The following SQOR variants were observed in gnomAD, a reference collection of about 807,000 sequenced individuals.
SQOR encodes sulfide quinone oxidoreductase.
SQOR carries 39 observed loss-of-function variants against 48.6 expected under a neutral mutation model. The ratio of observed to expected loss-of-function variants is 0.80; its 90% CI spans 0.62 to 1.05. SQOR has a LOEUF of 1.05. SQOR is among the 50% of genes least tolerant of loss of function. The probability of loss-of-function intolerance (pLI) is 0.00; values close to 1 mark genes in which losing one functional copy is unlikely to be tolerated. For missense variants in SQOR, 561 were observed against 559.9 expected (o/e 1.00, Z -0.02); for synonymous variants, 220 against 206.2 (o/e 1.07, Z -0.57).
chr15:45,631,926 G>C (rs1894904546), upstream of SQOR: 1 of 152,124 alleles, frequency 6.6e-6, no homozygotes, highest in Non-Finnish European at 1.5e-5. Flanking sequence ...TTTTTCAACA[G>C]TGTATGCCTA....
chr15:45,656,662 T>TTA (rs1889617208), intron 1 of SQOR, among the ~76,000 whole-genome samples: 1 of 152,192 alleles, frequency 6.6e-6, no homozygotes, highest in Non-Finnish European at 1.5e-5. Flanking sequence ...AAATCACTCA[T>TTA]TATTCTAAAA....
At chr15:45,667,236 A>C (rs1595503405) in intron 3 of SQOR, among the ~76,000 whole-genome samples, 1 of 146,150 alleles carries the variant, frequency 6.8e-6, no homozygotes, top group East Asian at 2.1e-4. Context: ...TCTTGGGCTC[A>C]AGAGTTCTGA....
At chr15:45,670,216 C>G (rs1040401428) in intron 4 of SQOR, among the ~76,000 whole-genome samples, 2 of 152,186 alleles carry the variant, frequency 1.3e-5, no homozygotes, top group African/African-American at 4.8e-5. Flanking sequence ...ATGCTCATGC[C>G]TTAATGATTA....
chr15:45,690,453 C>T (rs1278613324), intron 9 of SQOR, among the ~76,000 whole-genome samples: 1 of 152,134 alleles, frequency 6.6e-6, no homozygotes, highest in Non-Finnish European at 1.5e-5. Context: ...ATCAGTGGTC[C>T]TGAACCAAGA....
intron 3 of SQOR, among the ~76,000 whole-genome samples, chr15:45,667,652 A>G (rs1301756649): frequency 3.3e-5 from 5 of 152,142 alleles, no homozygotes; most frequent in African/African-American, 1.2e-4. Context: ...TTAAGCTGGC[A>G]TGTTTTTAGT....
intron 5 of SQOR, 37 bp from the exon 6 acceptor site, chr15:45,676,064 C>T: frequency 6.4e-7 from 1 of 1,555,476 alleles, no homozygotes; most frequent in Non-Finnish European, 8.7e-7. Flanking sequence ...CAGCTGCAGT[C>T]ATGCTTTGGT....
chr15:45,659,261 G>GT (rs1889677923), intron 2 of SQOR, 104 bp downstream of exon 2: 3 of 948,910 alleles, frequency 3.2e-6, no homozygotes, highest in Non-Finnish European at 4.5e-6. Flanking sequence ...CAAGCAATGG[G>GT]TCTTCATATG....
At chr15:45,672,536 T>C (rs1410696638) in intron 4 of SQOR, among the ~76,000 whole-genome samples, 1 of 152,134 alleles carries the variant, frequency 6.6e-6, no homozygotes, top group Non-Finnish European at 1.5e-5. Flanking sequence ...CAGGGATAAG[T>C]GTCTGGAGTG....
intron 1 of SQOR, among the ~76,000 whole-genome samples, chr15:45,642,379 C>T (rs1436468798): frequency 7.2e-5 from 11 of 152,082 alleles, no homozygotes; most frequent in Non-Finnish European, 1.5e-4. Flanking sequence ...GTGTTAGAGG[C>T]CAAGAATCTG....
At chr15:45,666,274 C>T (rs1022304352) in intron 3 of SQOR, among the ~76,000 whole-genome samples, 1 of 152,162 alleles carries the variant, frequency 6.6e-6, no homozygotes, top group African/African-American at 2.4e-5. Context: ...TGTGCTATCA[C>T]AGCATTCTGT....
At position 45,669,965 on chromosome 15, in the gene SQOR, A is replaced by T. The variant is rs1268026781; in HGVS notation, c.443A>T (p.Gln148Leu). The T allele has an allele frequency of 1.9e-6, 3 of 1,614,016 alleles. No homozygotes were observed. Among genetic ancestry groups the T allele is most frequent in the African/African-American group, 2.7e-5 (2 of 74,920 alleles). The change falls in exon 4 of 10, where the codon CAG (glutamine) becomes CTG (leucine). Residue 148 changes from glutamine to leucine, a missense_variant. Transcript: ENST00000260324. ...YRYLIIALGI[Q>L]LDYEKIKGLP... ...TATCTTATTATTGCTCTCGGAATCC[A>T]GCTGGACTATGAGAAGGTACCGTGT...
At chr15:45,663,932 A>G (rs199896640) in intron 3 of SQOR, among the ~76,000 whole-genome samples, 1 of 152,208 alleles carries the variant, frequency 6.6e-6, no homozygotes, top group African/African-American at 2.4e-5. Flanking sequence ...GTGAACAAAA[A>G]CAGACACAAA....
intron 1 of SQOR, among the ~76,000 whole-genome samples, chr15:45,647,974 A>T (rs1280451931): frequency 1.3e-5 from 2 of 152,200 alleles, no homozygotes; most frequent in African/African-American, 4.8e-5. Flanking sequence ...TTCCTGAATT[A>T]TTAGATAGTT....
chr15:45,635,079 G>A lies in SQOR; in HGVS notation c.-47G>A. ...GAGCGAAGGTTTTTGCTGCGCCAAC[G>A]CAGTGACCGAAGGCTCCGCTCACGC... On this transcript the variant is annotated 5_prime_UTR_variant, in exon 1 of 10. Transcript: ENST00000260324. The A allele has an allele frequency of 6.6e-6, 1 of 152,386 alleles. No homozygotes were observed. Among genetic ancestry groups the A allele is most frequent in the Non-Finnish European group, 1.5e-5 (1 of 68,070 alleles). The allele number at this position is 152,386 out of a possible 1,614,324, so 9.4% of individuals were successfully genotyped here. A position where few individuals can be genotyped will look rare whatever the true frequency, so the allele number is the denominator to read the frequency against.
At chr15:45,685,637 G>T (rs573715769) in intron 7 of SQOR, among the ~76,000 whole-genome samples, 9 of 152,254 alleles carry the variant, frequency 5.9e-5, no homozygotes, top group Admixed American at 5.9e-4. Flanking sequence ...TGGCTCCACA[G>T]GCCTCACCTC....
At chr15:45,655,835 C>G (rs1889595698) in intron 1 of SQOR, among the ~76,000 whole-genome samples, 1 of 152,122 alleles carries the variant, frequency 6.6e-6, no homozygotes, top group Non-Finnish European at 1.5e-5. Context: ...AGGTGTACAC[C>G]ACCATGCCCA....
intron 1 of SQOR, among the ~76,000 whole-genome samples, chr15:45,642,237 A>G (rs1895116984): frequency 6.6e-6 from 1 of 152,306 alleles, no homozygotes; most frequent in Admixed American, 6.5e-5. Flanking sequence ...AATGCACACC[A>G]GGGCTGAGCA....
chr15:45,669,788 G>A (rs547787348), intron 3 of SQOR, 140 bp from the exon 4 acceptor site: 13 of 719,254 alleles, frequency 1.8e-5, no homozygotes, highest in African/African-American at 3.6e-5. Context: ...GTTCTGCTTC[G>A]ATTTTCTCAT....
intron 8 of SQOR, 115 bp downstream of exon 8, chr15:45,688,519 T>C: frequency 1.3e-6 from 1 of 785,976 alleles, no homozygotes; most frequent in Non-Finnish European, 1.9e-6. Flanking sequence ...GTTTTTCTTT[T>C]TTTTTTTTTT....
Sources: allele counts gnomAD v4.1 joint callset (sites outside exome capture counted in the v4.1 genomes callset), GRCh38; gene constraint gnomAD v4.1.1; transcripts MANE v1.5; gene names NCBI Gene and HGNC (gene_info 2026-07-23, HGNC 2026-07-21).